Variants in ITGB8 observed in about 807,000 individuals in gnomAD.
ITGB8 encodes integrin subunit beta 8.
ITGB8 carries 30 observed loss-of-function variants against 89.5 expected under a neutral mutation model. The observed-to-expected ratio is 0.34, with a 90% confidence interval of 0.25 to 0.45. The LOEUF (loss-of-function observed/expected upper bound fraction) is 0.45, where lower values mean the gene tolerates loss of function less well. Ranked by LOEUF, ITGB8 falls within the 20% of genes least tolerant of loss-of-function variation. The pLI is 1.00. For synonymous variants in ITGB8, 335 were observed against 320.4 expected, an observed-to-expected ratio of 1.05 and a Z score of -0.49; for missense variants, 836 against 933.3, an observed-to-expected ratio of 0.90 and a Z score of 1.36.
rs745357449 is a variant in ITGB8, at chr7:20,406,118, G to A, written c.1970G>A (p.Cys657Tyr). Residue 657 changes from cysteine to tyrosine, a missense_variant, in exon 12 of 14, where the codon TGC becomes TAC. Cys to Tyr is a radical substitution (Grantham distance 194). Transcript: ENST00000222573. ...HNLSQAILDQ[C>Y]KTSCALMEQQ... is the part of the protein sequence containing the mutation. Reference sequence around the variant, plus strand: ...TTGTCTCAGGCTATACTTGATCAGTGCAAAACCTCATGTGCTCTCATGGAA... The same window carrying A: ...TTGTCTCAGGCTATACTTGATCAGTACAAAACCTCATGTGCTCTCATGGAA... 5.6e-6 allele frequency: 9 copies of A among 1,613,678 alleles called. No homozygotes were observed. The highest frequency in any genetic ancestry group is 2.5e-6 in the Non-Finnish European group (3 of 1,179,624).
At chr7:20,356,867 T>C (rs970566571) in intron 1 of ITGB8, among the ~76,000 whole-genome samples, 1 of 58,734 alleles carries the variant, frequency 1.7e-5, no homozygotes, top group Admixed American at 1.9e-4. Context: ...CTGAAACTTC[T>C]ACTGTCCTTT....
At chr7:20,371,760 A>G (rs1055724527) in intron 3 of ITGB8, among the ~76,000 whole-genome samples, 1 of 152,324 alleles carries the variant, frequency 6.6e-6, no homozygotes, top group Middle Eastern at 3.4e-3. Context: ...GTATCTTTGT[A>G]TATAACCGCA....
chr7:20,346,668 C>T (rs1480714615), intron 1 of ITGB8: 1 of 984,216 alleles, frequency 1.0e-6, no homozygotes, highest in Non-Finnish European at 1.2e-6. Context: ...CCGTTTCCTG[C>T]CAAAAGCAAC....
chr7:20,339,883 C>T (rs1314142010), intron 1 of ITGB8, among the ~76,000 whole-genome samples: 1 of 152,036 alleles, frequency 6.6e-6, no homozygotes, highest in Non-Finnish European at 1.5e-5. Flanking sequence ...CAAAAATTAG[C>T]CGGGCATGGT....
rs60693419 is a variant in ITGB8 at position 20,370,596 on chromosome 7, C to CT, written c.388+3412dup. On this transcript the variant is annotated intron_variant, in intron 3 of 13. Transcript: ENST00000222573. ...TTACACTACTTTATTTATTTATTTA[C>CT]TTATTTATTATTATTATTATTATTA... Among the ~76,000 whole-genome samples, 967 of 136,610 alleles carry CT rather than the reference C, an allele frequency of 7.1e-3. 9 individuals are homozygous for CT. Among genetic ancestry groups the CT allele is most frequent in the South Asian group, 0.026 (117 of 4,552 alleles). The allele number at this position is 136,610 out of a possible 152,430, so 89.6% of individuals were successfully genotyped here.
chr7:20,382,177 C>A (rs1427620982), intron 6 of ITGB8: 1 of 236,130 alleles, frequency 4.2e-6, no homozygotes, highest in Non-Finnish European at 8.1e-6. Context: ...TTATGTAATT[C>A]TAAGACAGGG....
chr7:20,405,913 G>A (rs1433380653), intron 11 of ITGB8, 149 bp from the exon 12 acceptor site: 15 of 554,390 alleles, frequency 2.7e-5, no homozygotes, highest in East Asian at 5.8e-5. Context: ...GCAATCCTTC[G>A]ATGTAATGAT....
intron 1 of ITGB8, among the ~76,000 whole-genome samples, chr7:20,349,223 C>T (rs1451539072): frequency 6.6e-6 from 1 of 151,846 alleles, no homozygotes; most frequent in East Asian, 1.9e-4. Flanking sequence ...TATTTAGTGT[C>T]ATATTTGGCA....
intron 3 of ITGB8, among the ~76,000 whole-genome samples, chr7:20,373,907 G>C (rs1427471616): frequency 1.3e-5 from 2 of 152,088 alleles, no homozygotes; most frequent in Non-Finnish European, 2.9e-5. Context: ...CATTCTTTGA[G>C]TAGTTTAAAA....
In ITGB8 at chr7:20,398,500, T is replaced by C. The variant is rs537256908; in HGVS notation, c.1147-360T>C. The stretch of plus-strand genomic sequence containing the variant: ...TCAAGATTTACCCTTTGTGATGATA[T>C]ATGTGTTCTCAAGGTTTAATTACAC... On this transcript the variant is annotated intron_variant, in intron 8 of 13. Transcript: ENST00000222573. 2.0e-5 allele frequency among the ~76,000 whole-genome samples: 3 copies of C among 152,372 alleles called. No individual in the cohort carries two copies. The South Asian group carries it at 6.2e-4, about 32-fold the overall frequency.
chr7:20,353,761 G>A (rs996609044), intron 1 of ITGB8, among the ~76,000 whole-genome samples: 2 of 149,088 alleles, frequency 1.3e-5, no homozygotes, highest in East Asian at 1.9e-4. Flanking sequence ...GTGAAACCCC[G>A]TCTCTACTAA....
At chr7:20,367,281 A>G in intron 3 of ITGB8, 95 bp downstream of exon 3, 1 of 965,042 alleles carries the variant, frequency 1.0e-6, no homozygotes, top group South Asian at 1.4e-5. Context: ...GGCAGGCAGT[A>G]TTGTTCTTGT....
At chr7:20,408,143 T>C (rs541853203) in intron 12 of ITGB8, among the ~76,000 whole-genome samples, 13 of 152,246 alleles carry the variant, frequency 8.5e-5, no homozygotes, top group East Asian at 3.9e-4. Context: ...CCTTAGCTGA[T>C]TGAGTAGTCC....
chr7:20,411,910 C>T lies in ITGB8; in HGVS notation c.*1913C>T, dbSNP rs1787776181. On this transcript the variant is annotated 3_prime_UTR_variant, in exon 14 of 14. Coordinates refer to ENST00000222573, the MANE Select transcript of ITGB8 (RefSeq NM_002214.3). ...GTCTTCCCCAATGGAAATTTATTTA[C>T]ACTTACCTTATCCCTATGGACTTAG... 6.6e-6 allele frequency: 1 copy of T among 152,564 alleles called. No individual in the cohort carries two copies. Among genetic ancestry groups the T allele is most frequent in the Admixed American group, 6.5e-5 (1 of 15,286 alleles). The allele number at this position is 152,564 out of a possible 1,614,324, so 9.5% of individuals were successfully genotyped here.
Position 20,398,841 on chromosome 7 carries a change from A to G in ITGB8, c.1147-19A>G. On this transcript the variant is annotated intron_variant, in intron 8 of 13. Coordinates refer to ENST00000222573, the MANE Select transcript of ITGB8 (RefSeq NM_002214.3). ...TTGAAACTACTCTCGTATGTAATTT[A>G]AAAATAATGTCTCTGCAGAAGCTCA... 6.6e-7 allele frequency: 1 copy of G among 1,518,068 alleles called. No homozygotes were observed. The highest frequency in any genetic ancestry group is 8.8e-7 in the Non-Finnish European group (1 of 1,133,714). 94.0% of individuals were successfully genotyped at this position (1,518,068 alleles called of 1,614,324 possible).
At chr7:20,336,009 T>TTG (rs1554300357) in intron 1 of ITGB8, among the ~76,000 whole-genome samples, 3 of 111,094 alleles carry the variant, frequency 2.7e-5, no homozygotes, top group African/African-American at 9.4e-5. Context: ...TCTTTTTTTT[T>TTG]TTTTTTTTTT....
chr7:20,375,081 G>C (rs546076869), intron 3 of ITGB8, among the ~76,000 whole-genome samples: 3 of 152,270 alleles, frequency 2.0e-5, no homozygotes, highest in Non-Finnish European at 2.9e-5. Context: ...AGGAAAGTGA[G>C]TGAAAACTAA....
chr7:20,357,681 C>A (rs373495041), intron 1 of ITGB8, among the ~76,000 whole-genome samples: 1 of 152,080 alleles, frequency 6.6e-6, no homozygotes, highest in African/African-American at 2.4e-5. Flanking sequence ...TTTGTTACTG[C>A]GGAGGAGATG....
intron 9 of ITGB8, chr7:20,399,210 T>C (rs1387413307): frequency 2.2e-6 from 1 of 457,150 alleles, no homozygotes; most frequent in Admixed American, 4.0e-5. Context: ...AATATGTATA[T>C]GTGTGTGCGT....
Sources: allele counts gnomAD v4.1 joint callset (sites outside exome capture counted in the v4.1 genomes callset), GRCh38; gene constraint gnomAD v4.1.1; transcripts MANE v1.5; gene names NCBI Gene and HGNC (gene_info 2026-07-23, HGNC 2026-07-21).